LPP: variants seen among roughly 807,000 people sequenced by gnomAD.
LPP encodes LIM domain containing preferred translocation partner in lipoma, also known as lipoma-preferred partner.
Under a neutral mutation model 60.4 loss-of-function variants are expected in LPP, and 38 were observed. The observed-to-expected ratio is 0.63, with a 90% CI of 0.49 to 0.83. LPP has a LOEUF of 0.83. Ranked by LOEUF, LPP falls within the 40% of genes least tolerant of loss-of-function variation. LPP has a pLI of 0.00. For missense variants in LPP, 902 were observed against 783.6 expected, an observed-to-expected ratio of 1.15 and a Z score of -1.80; for synonymous variants, 328 against 290.8, an observed-to-expected ratio of 1.13 and a Z score of -1.30.
chr3:188,856,598 A>C (rs1265765562), intron 9 of LPP, among the ~76,000 whole-genome samples: 1 of 152,182 alleles, frequency 6.6e-6, no homozygotes. Context: ...TCTCATTGTT[A>C]AGAGATTGTT....
At chr3:188,842,415 TG>T (rs1447854190) in intron 9 of LPP, among the ~76,000 whole-genome samples, 3 of 152,220 alleles carry the variant, frequency 2.0e-5, no homozygotes, top group Non-Finnish European at 4.4e-5. Flanking sequence ...TTATATATTC[TG>T]GTTATTAATC....
At chr3:188,828,634 A>AAAAAAAAAAAAC (rs1756294568) in intron 9 of LPP, among the ~76,000 whole-genome samples, 2 of 147,878 alleles carry the variant, frequency 1.4e-5, no homozygotes, top group African/African-American at 2.5e-5. Context: ...AAAAAAAAAA[A>AAAAAAAAAAAAC]AAAAAACTCA....
chr3:188,185,826 TCAGCTGC>T (rs1426587927), intron 1 of LPP, among the ~76,000 whole-genome samples: 5 of 152,186 alleles, frequency 3.3e-5, no homozygotes, highest in Non-Finnish European at 5.9e-5. Flanking sequence ...CTCTCACCTG[TCAGCTGC>T]CTGAGATCAA....
intron 7 of LPP, among the ~76,000 whole-genome samples, chr3:188,701,750 CG>C (rs1864447875): frequency 6.7e-6 from 1 of 148,354 alleles, no homozygotes; most frequent in Non-Finnish European, 1.5e-5. Context: ...TATCTGGCTG[CG>C]TTTTTTTTTT....
chr3:188,333,495 C>T (rs1453582144), intron 2 of LPP, among the ~76,000 whole-genome samples: 1 of 152,174 alleles, frequency 6.6e-6, no homozygotes, highest in East Asian at 1.9e-4. Context: ...TGTGAAAGGA[C>T]AATGCATACA....
chr3:188,838,335 TGGG>T (rs1462759690), intron 9 of LPP, among the ~76,000 whole-genome samples: 1 of 152,108 alleles, frequency 6.6e-6, no homozygotes, highest in Non-Finnish European at 1.5e-5. Context: ...TTCTAAATGA[TGGG>T]GGGACTCATA....
At chr3:188,509,248 C>T (rs1009606310) in intron 5 of LPP, among the ~76,000 whole-genome samples, 4 of 152,090 alleles carry the variant, frequency 2.6e-5, no homozygotes, top group Non-Finnish European at 4.4e-5. Context: ...GAAGACTTAC[C>T]GTATGCTTAG....
At chr3:188,616,986 C>T (rs990453415) in intron 7 of LPP, among the ~76,000 whole-genome samples, 10 of 152,130 alleles carry the variant, frequency 6.6e-5, no homozygotes, top group African/African-American at 2.4e-4. Context: ...AATAAGACTT[C>T]TTAGGCAATT....
At chr3:188,754,178 A>G (rs2150372756) in intron 8 of LPP, among the ~76,000 whole-genome samples, 1 of 152,318 alleles carries the variant, frequency 6.6e-6, no homozygotes, top group East Asian at 1.9e-4. Flanking sequence ...TTCATCGGCA[A>G]CCCAAAAGAA....
At chr3:188,669,609 G>T (rs1856552885) in intron 7 of LPP, among the ~76,000 whole-genome samples, 1 of 152,006 alleles carries the variant, frequency 6.6e-6, no homozygotes. Context: ...GGAAACAACA[G>T]GTGATGCAGG....
At chr3:188,843,750 G>GCA (rs1400529161) in intron 9 of LPP, among the ~76,000 whole-genome samples, 31 of 123,380 alleles carry the variant, frequency 2.5e-4, no homozygotes, top group Admixed American at 4.9e-4. Flanking sequence ...TCGCGCCACT[G>GCA]CACTCCAGCC....
chr3:188,301,803 G>A (rs1030498281), intron 2 of LPP, among the ~76,000 whole-genome samples: 1 of 151,928 alleles, frequency 6.6e-6, no homozygotes, highest in Admixed American at 6.6e-5. Flanking sequence ...ACAGTTGTGT[G>A]CCACAATGCC....
intron 4 of LPP, among the ~76,000 whole-genome samples, chr3:188,428,731 A>G (rs1790147827): frequency 6.6e-6 from 1 of 152,100 alleles, no homozygotes; most frequent in Non-Finnish European, 1.5e-5. Context: ...GGAAACTGAA[A>G]GAACGCTTTC....
At chr3:188,179,152 C>T (rs1159388052) in intron 1 of LPP, 3 of 415,206 alleles carry the variant, frequency 7.2e-6, no homozygotes, top group Non-Finnish European at 1.4e-5. Context: ...TACATATTCC[C>T]CCCGGCCCCC....
At chr3:188,249,963 G>C (rs1292700563) in intron 2 of LPP, among the ~76,000 whole-genome samples, 1 of 148,290 alleles carries the variant, frequency 6.7e-6, no homozygotes, top group Non-Finnish European at 1.5e-5. Context: ...CTACCCCTAA[G>C]TACAGTGTGT....
intron 8 of LPP, among the ~76,000 whole-genome samples, chr3:188,749,428 C>G (rs10513830): frequency 0.054 from 8,228 of 152,268 alleles, 241 homozygotes; most frequent in Non-Finnish European, 0.07. Context: ...TCTACACGTC[C>G]TATGACCCTT....
chr3:188,739,623 A>G (rs550624177), intron 8 of LPP, among the ~76,000 whole-genome samples: 2 of 152,186 alleles, frequency 1.3e-5, no homozygotes. Flanking sequence ...TTATAAGATA[A>G]ATCTAGAAAT....
chr3:188,273,587 A>AAC (rs1577744918), intron 2 of LPP, among the ~76,000 whole-genome samples: 2 of 64,492 alleles, frequency 3.1e-5, no homozygotes, highest in East Asian at 9.5e-4. Flanking sequence ...GCTATTTTAT[A>AAC]TCTTTTTTTT....
At chr3:188,519,232 A>AGT (rs1818225055) in intron 5 of LPP, among the ~76,000 whole-genome samples, 1 of 152,184 alleles carries the variant, frequency 6.6e-6, no homozygotes, top group African/African-American at 2.4e-5. Context: ...AGCATCACCA[A>AGT]GCATGGGCCA....
Sources: allele counts gnomAD v4.1 joint callset (sites outside exome capture counted in the v4.1 genomes callset), GRCh38; gene constraint gnomAD v4.1.1; transcripts MANE v1.5; gene names NCBI Gene and HGNC (gene_info 2026-07-23, HGNC 2026-07-21).